The following ZNF320 variants were observed in gnomAD, a reference collection of about 807,000 sequenced individuals.
The protein encoded by ZNF320 is zinc finger protein 320, also known as zinc finger gene 320.
A neutral mutation model predicts 6.8 loss-of-function variants in ZNF320; 2 were observed. The ratio of observed to expected loss-of-function variants is 0.29; its 90% CI spans 0.12 to 0.93. The LOEUF (loss-of-function observed/expected upper bound fraction) is 0.93. ZNF320 is among the 40% of genes least tolerant of loss of function. ZNF320 has a pLI of 0.55. For synonymous variants in ZNF320, 208 were observed against 203.2 expected, an observed-to-expected ratio of 1.02 and a Z score of -0.20; for missense variants, 472 against 611.0, an observed-to-expected ratio of 0.77 and a Z score of 2.40.
chr19:52,899,746 C>A (rs867594657), upstream of ZNF320, among the ~76,000 whole-genome samples: 13 of 152,308 alleles, frequency 8.5e-5, no homozygotes, highest in Middle Eastern at 3.4e-3. Flanking sequence ...CAGGCGTGAG[C>A]CACCGCGCCC....
At chr19:52,898,662 G>T (rs1040734229), upstream of ZNF320, among the ~76,000 whole-genome samples, 8 of 152,176 alleles carry the variant, frequency 5.3e-5, no homozygotes, top group Non-Finnish European at 1.2e-4. Context: ...CCTTTTTAAG[G>T]GTTCACAACA....
Position 52,880,497 on chromosome 19 carries a change from G to T in ZNF320, c.*99C>A, listed in dbSNP as rs1185423940. 7.9e-7 allele frequency: 1 copy of T among 1,262,006 alleles called. No homozygotes were observed. The highest frequency in any genetic ancestry group is 1.1e-6 in the Non-Finnish European group (1 of 908,206). 78.2% of individuals were successfully genotyped at this position (1,262,006 alleles called of 1,614,324 possible). On this transcript the variant is annotated 3_prime_UTR_variant, in exon 6 of 6. Transcript: ENST00000682928. ...ATTACAGGTGTGAGACACCACGCCT[G>T]GCCCAATCCTCTTAACATAAACAGT...
exon 6 of ZNF320, chr19:52,861,955 T>C (rs1568689980): frequency 5.5e-6 from 2 of 365,188 alleles, no homozygotes; most frequent in Non-Finnish European, 1.1e-5. Context: ...AATTCTCCTA[T>C]GTTTTGCCTA....
chr19:52,862,239 A>G, exon 6 of ZNF320: 1 of 662,738 alleles, frequency 1.5e-6, no homozygotes, highest in Middle Eastern at 3.0e-4. Context: ...TTGCCCACTA[A>G]AGGCTTTGCC....
intron 5 of ZNF320, among the ~76,000 whole-genome samples, chr19:52,868,884 T>A (rs1228648874): frequency 2.0e-5 from 3 of 152,074 alleles, no homozygotes; most frequent in East Asian, 3.9e-4. Flanking sequence ...CAGCCTCCAA[T>A]AATTTTGTCC....
At chr19:52,887,353 A>G (rs1002767669) in intron 5 of ZNF320, among the ~76,000 whole-genome samples, 48 of 152,360 alleles carry the variant, frequency 3.2e-4, no homozygotes, top group African/African-American at 1.0e-3. Flanking sequence ...AGAAAGGACC[A>G]TGATGTGCTG....
chr19:52,868,159 T>C (rs978367282), intron 5 of ZNF320, among the ~76,000 whole-genome samples: 37 of 152,162 alleles, frequency 2.4e-4, no homozygotes, highest in Admixed American at 5.2e-4. Flanking sequence ...GTTTACAGCC[T>C]GTCATATAAA....
chr19:52,888,090 G>A (rs571149635), intron 5 of ZNF320, 37 bp downstream of exon 5: 4 of 1,602,164 alleles, frequency 2.5e-6, no homozygotes, highest in Non-Finnish European at 3.4e-6. Context: ...AGATCCACAA[G>A]GGCACATCCC....
Position 52,881,800 on chromosome 19 carries a change from T to C in ZNF320, c.326A>G (p.His109Arg), listed in dbSNP as rs375248820. Residue 109 changes from histidine (H) to arginine (R), a missense_variant, in exon 6 of 6, where the codon CAT becomes CGT. Coordinates refer to ENST00000682928, the MANE Select transcript of ZNF320 (RefSeq NM_001351774.2). Reference sequence around the variant, plus strand: ...TTTTATTTCTGTCATGGGTGCTTCATGGTCATTTGTTTCATCTTCTTGCCA... The same window carrying C: ...TTTTATTTCTGTCATGGGTGCTTCACGGTCATTTGTTTCATCTTCTTGCCA... The part of the protein sequence containing the change: ...FQWQEDETND[H>R]EAPMTEIKKL... The C allele has an allele frequency of 1.2e-5, 19 of 1,613,792 alleles. No individual in the cohort carries two copies. The highest frequency in any genetic ancestry group is 1.4e-5 in the Non-Finnish European group (16 of 1,179,842).
At chr19:52,887,029 A>G (rs941434473) in intron 5 of ZNF320, among the ~76,000 whole-genome samples, 1 of 126,406 alleles carries the variant, frequency 7.9e-6, no homozygotes, top group Non-Finnish European at 1.7e-5. Context: ...AAAACAAAAG[A>G]AAAGAAAAGA....
chr19:52,902,033 T>C (rs1035359043), upstream of ZNF320, among the ~76,000 whole-genome samples: 1 of 146,950 alleles, frequency 6.8e-6, no homozygotes, highest in Non-Finnish European at 1.5e-5. Flanking sequence ...AATACCAGGG[T>C]GAAATGGACT....
rs201170564 is a variant in ZNF320, at chr19:52,864,809, CGAG to C, written c.224-653_224-651del. On this transcript the variant is annotated intron_variant, in intron 5 of 5. Transcript: ENST00000673631. ...CAGGCAGATCATGATGTCAGGAGAT[CGAG>C]ACCATCCTGGCTAACACAGTGAAAT... Among the ~76,000 whole-genome samples, 350 of 150,778 alleles carry C rather than the reference CGAG, an allele frequency of 2.3e-3. 2 individuals are homozygous for C. The highest frequency in any genetic ancestry group is 8.0e-3 in the African/African-American group (329 of 40,942).
Position 52,881,827 on chromosome 19 carries a change from T to G in ZNF320, c.299A>C (p.Gln100Pro). ...IEKDIHDFVF[Q>P]WQEDETNDHE... is the part of the protein sequence containing the mutation. ...GTCATTTGTTTCATCTTCTTGCCAC[T>G]GAAACACAAAGTCATGAATGTCTTT... is the stretch of plus-strand genomic sequence containing the variant. The change falls in exon 6 of 6, where the codon CAG becomes CCG. Residue 100 changes from glutamine (Q) to proline (P), a missense_variant. Physicochemically the swap from Gln to Pro is moderately conservative, Grantham distance 76. Coordinates refer to ENST00000682928, the MANE Select transcript of ZNF320 (RefSeq NM_001351774.2). 6.2e-7 allele frequency: 1 copy of G among 1,613,814 alleles called. No individual in the cohort carries two copies. Among genetic ancestry groups the G allele is most frequent in the Non-Finnish European group, 8.5e-7 (1 of 1,179,830 alleles).
chr19:52,871,479 A>T (rs187758932), downstream of ZNF320, among the ~76,000 whole-genome samples: 1 of 152,180 alleles, frequency 6.6e-6, no homozygotes, highest in Admixed American at 6.6e-5. Flanking sequence ...AGACTTTACC[A>T]CTGCATTCCA....
chr19:52,900,708 A>G (rs1191759420), upstream of ZNF320, among the ~76,000 whole-genome samples: 1 of 147,778 alleles, frequency 6.8e-6, no homozygotes, highest in Non-Finnish European at 1.5e-5. Flanking sequence ...CTTAATTTAC[A>G]TTTTTTTTTT....
chr19:52,889,533 A>G (rs1328649836), intron 4 of ZNF320, among the ~76,000 whole-genome samples: 2 of 152,186 alleles, frequency 1.3e-5, no homozygotes, highest in African/African-American at 4.8e-5. Context: ...CCGCTGCCAT[A>G]TTTGAGAAAA....
chr19:52,859,696 G>A (rs1243697261), downstream of ZNF320, among the ~76,000 whole-genome samples: 4 of 152,138 alleles, frequency 2.6e-5, no homozygotes, highest in Non-Finnish European at 2.9e-5. Context: ...GTGATGGATT[G>A]ATACACTTCA....
At chr19:52,874,682 A>T (rs532425839), downstream of ZNF320, among the ~76,000 whole-genome samples, 73 of 152,294 alleles carry the variant, frequency 4.8e-4, no homozygotes, top group South Asian at 0.015. Context: ...AAGGAGCAAA[A>T]AGAATCACAC....
chr19:52,881,634 T>C lies in ZNF320; in HGVS notation c.492A>G (p.Glu164=), dbSNP rs1196888910. Residue 164 remains glutamate, a synonymous_variant, in exon 6 of 6, where the codon GAA becomes GAG. Transcript: ENST00000682928. ...TGCAACTGAAAACTTTCTCACATTC[T>C]TCACATTTGTAAGGTTTCTCTCCAG... The part of the protein sequence containing the change: ...IHTGEKPYKC[E]ECEKVFSCKS... 3 of 1,613,942 alleles carry C rather than the reference T, an allele frequency of 1.9e-6. No homozygotes were observed. The highest frequency in any genetic ancestry group is 1.7e-6 in the Non-Finnish European group (2 of 1,179,920).
Sources: gnomAD v4.1 joint callset for allele counts (sites outside exome capture counted in the v4.1 genomes callset) on GRCh38, gnomAD v4.1.1 for gene constraint, MANE v1.5 for transcripts, NCBI Gene and HGNC (gene_info 2026-07-23, HGNC 2026-07-21) for gene names.